Variants in IDH2 observed in about 807,000 individuals in gnomAD.
The protein encoded by IDH2 is isocitrate dehydrogenase (NADP(+)) 2.
Under a neutral mutation model 50.5 loss-of-function variants are expected in IDH2, and 18 were observed. The observed-to-expected ratio is 0.36, with a 90% confidence interval of 0.25 to 0.53. The LOEUF is 0.53. Among genes scored for constraint, IDH2 ranks in the 20% least tolerant of loss-of-function variants. The pLI is 0.92. For synonymous variants in IDH2, 280 were observed against 239.8 expected, an observed-to-expected ratio of 1.17 and a Z score of -1.55; for missense variants, 518 against 610.7, an observed-to-expected ratio of 0.85 and a Z score of 1.60.
At chr15:90,093,598 T>A (rs1032802984) in intron 1 of IDH2, among the ~76,000 whole-genome samples, 1 of 150,220 alleles carries the variant, frequency 6.7e-6, no homozygotes, top group East Asian at 2.0e-4. Context: ...CTCCATTTTA[T>A]TTAATTAATT....
At chr15:90,097,798 A>G (rs1213069044) in intron 1 of IDH2, among the ~76,000 whole-genome samples, 1 of 152,226 alleles carries the variant, frequency 6.6e-6, no homozygotes, top group African/African-American at 2.4e-5. Context: ...ACACTGAACA[A>G]TGACTAAGAT....
At chr15:90,088,131 C>G (rs1056156874) in intron 5 of IDH2, among the ~76,000 whole-genome samples, 3 of 151,846 alleles carry the variant, frequency 2.0e-5, no homozygotes, top group Non-Finnish European at 4.4e-5. Context: ...GAGATGGGGT[C>G]TCACTGTTGC....
intron 2 of IDH2, 63 bp downstream of exon 2, chr15:90,091,489 GT>G: frequency 7.8e-7 from 1 of 1,283,440 alleles, no homozygotes; most frequent in East Asian, 2.3e-5. Context: ...AGAAGACCCT[GT>G]GGGACAGAAC....
At position 90,088,635 on chromosome 15, in the gene IDH2, A is replaced by G. The variant is rs1158046506; in HGVS notation, c.486T>C (p.Pro162=). 1.9e-6 allele frequency: 3 copies of G among 1,614,112 alleles called. No individual in the cohort carries two copies. Among genetic ancestry groups the G allele is most frequent in the Admixed American group, 3.3e-5 (2 of 60,004 alleles). Reference sequence around the variant, plus strand: ...CAATGGTGATGGGCTTGGTCCAGCCAGGGACTAGGCGTGGGATGTTTTTGC... The same window carrying G: ...CAATGGTGATGGGCTTGGTCCAGCCGGGGACTAGGCGTGGGATGTTTTTGC... ...IICKNIPRLV[P]GWTKPITIGR... Residue 162 remains proline (P), a synonymous_variant, in exon 4 of 11, where the codon CCT becomes CCC. Coordinates refer to ENST00000330062, the MANE Select transcript of IDH2 (RefSeq NM_002168.4).
intron 1 of IDH2, among the ~76,000 whole-genome samples, chr15:90,099,121 T>C (rs1901263875): frequency 6.6e-6 from 1 of 152,174 alleles, no homozygotes; most frequent in Admixed American, 6.5e-5. Context: ...GCCAGGTCCC[T>C]GAAGCTAGAA....
rs1293071532 is a variant in IDH2 at position 90,085,686 on chromosome 15, CCA to C, written c.968-301_968-300del. Reference sequence around the variant, plus strand: ...CCTGTGGCCCACAGGGCCCAAGAGGCCACAGAGTCCTGTGGTCCCCCACAGCC... The same window carrying C: ...CCTGTGGCCCACAGGGCCCAAGAGGCCAGAGTCCTGTGGTCCCCCACAGCC... On this transcript the variant is annotated intron_variant, in intron 7 of 10. Coordinates refer to ENST00000330062, the MANE Select transcript of IDH2 (RefSeq NM_002168.4). This position sits in a 1 kb window ranked among gnomAD's most constrained non-coding sequence, Gnocchi z 5.5. 6.6e-6 allele frequency among the ~76,000 whole-genome samples: 1 copy of C among 152,214 alleles called. No homozygotes were observed. Among genetic ancestry groups the C allele is most frequent in the Non-Finnish European group, 1.5e-5 (1 of 68,042 alleles).
At chr15:90,087,783 T>G (rs916075513) in intron 5 of IDH2, among the ~76,000 whole-genome samples, 1 of 151,850 alleles carries the variant, frequency 6.6e-6, no homozygotes, top group East Asian at 1.9e-4. Flanking sequence ...CACCGCCTTT[T>G]TTTTTTTTTT....
At position 90,084,981 on chromosome 15, in the gene IDH2, G is replaced by A. The variant is rs372543878; in HGVS notation, c.1178+20C>T. On this transcript the variant is annotated intron_variant, in intron 9 of 10. Coordinates refer to ENST00000330062, the MANE Select transcript of IDH2 (RefSeq NM_002168.4). The surrounding 1 kb of genome is among the most constrained non-coding windows in gnomAD (Gnocchi z 5.0). ...CCAGAGCCTGTCCTGGGCAGCTCCG[G>A]CCTCTCCCTCCATGCTCACCTGATG... 4.3e-6 allele frequency: 7 copies of A among 1,612,596 alleles called. No homozygotes were observed. Among genetic ancestry groups the A allele is most frequent in the African/African-American group, 1.3e-5 (1 of 74,896 alleles).
chr15:90,085,533 G>A lies in IDH2; in HGVS notation c.968-146C>T, dbSNP rs1900838121. 1.4e-6 allele frequency: 1 copy of A among 712,012 alleles called. No homozygotes were observed. Among genetic ancestry groups the A allele is most frequent in the Non-Finnish European group, 2.5e-6 (1 of 395,906 alleles). The allele number at this position is 712,012 out of a possible 1,614,324, so 44.1% of individuals were successfully genotyped here. A position where few individuals can be genotyped will look rare whatever the true frequency, so the allele number is the denominator to read the frequency against. ...CCCCAGCTGCAACTGGGAGGACAGG[G>A]ACTGTTCCAGGTCTCTTCACCCTCC... On this transcript the variant is annotated intron_variant, in intron 7 of 10. Transcript: ENST00000330062. This position sits in a 1 kb window ranked among gnomAD's most constrained non-coding sequence, Gnocchi z 5.5.
intron 6 of IDH2, 46 bp downstream of exon 6, chr15:90,087,393 G>C: frequency 6.2e-7 from 1 of 1,613,302 alleles, no homozygotes; most frequent in East Asian, 2.2e-5. Context: ...GGAACAGCAT[G>C]GGGGGAAGGG....
rs546392341 is a variant in IDH2, at chr15:90,102,433, C to T, written c.-43G>A. ...ACGAGCAGGGCGGGAGAGGTCCGAG[C>T]GCGCGCCGCTCCTCCCGGCTGCCTG... On this transcript the variant is annotated 5_prime_UTR_variant, in exon 1 of 11. Transcript: ENST00000330062. 618 of 1,114,378 alleles carry T rather than the reference C, an allele frequency of 5.5e-4. 12 individuals are homozygous for T. The South Asian group carries it at 0.019, about 34-fold the overall frequency. 69.0% of individuals were successfully genotyped at this position (1,114,378 alleles called of 1,614,324 possible). A position where few individuals can be genotyped will look rare whatever the true frequency, so the allele number is the denominator to read the frequency against.
chr15:90,090,738 G>A (rs1346822098), intron 2 of IDH2, 94 bp from the exon 3 acceptor site: 1 of 1,337,706 alleles, frequency 7.5e-7, no homozygotes, highest in African/African-American at 1.4e-5. Context: ...CATGGCAGGG[G>A]ACAGTCAGTC....
intron 1 of IDH2, among the ~76,000 whole-genome samples, 178 bp from the exon 2 acceptor site, chr15:90,091,822 C>A (rs1427842202): frequency 1.3e-5 from 2 of 152,224 alleles, no homozygotes; most frequent in Non-Finnish European, 2.9e-5. Context: ...CAGGGGTCCC[C>A]AACTCCCAGG....
At chr15:90,091,444 C>T (rs1287238480) in intron 2 of IDH2, 109 bp downstream of exon 2, 3 of 771,196 alleles carry the variant, frequency 3.9e-6, no homozygotes, top group Admixed American at 3.7e-5. Flanking sequence ...TGCTGCCTAC[C>T]AGGACAACGG....
In IDH2 at chr15:90,085,188, T is replaced by G; in HGVS notation, c.1080+87A>C. On this transcript the variant is annotated intron_variant, in intron 8 of 10. Transcript: ENST00000330062. The surrounding 1 kb of genome is among the most constrained non-coding windows in gnomAD (Gnocchi z 5.5). ...AGCTGCCCGCCCCTGGGCTGGTGGG[T>G]CAGGCTCGTCCTTCCAGCCCTCAGC... The G allele has an allele frequency of 6.5e-7, 1 of 1,532,498 alleles. No individual in the cohort carries two copies. 94.9% of individuals were successfully genotyped at this position (1,532,498 alleles called of 1,614,324 possible). A position where few individuals can be genotyped will look rare whatever the true frequency, so the allele number is the denominator to read the frequency against.
chr15:90,101,902 C>A (rs1410959665), intron 1 of IDH2, among the ~76,000 whole-genome samples: 2 of 151,986 alleles, frequency 1.3e-5, no homozygotes, highest in Non-Finnish European at 2.9e-5. Flanking sequence ...GTGCTCCAGC[C>A]CCCCACGGGT....
intron 3 of IDH2, 93 bp from the exon 4 acceptor site, chr15:90,088,840 C>T (rs1282794151): frequency 1.4e-6 from 2 of 1,391,388 alleles, no homozygotes; most frequent in Non-Finnish European, 1.0e-6. Flanking sequence ...GACGGGGGTC[C>T]TAAAATTCTT....
intron 3 of IDH2, 87 bp from the exon 4 acceptor site, chr15:90,088,834 G>A (rs2151550184): frequency 1.4e-6 from 2 of 1,462,884 alleles, no homozygotes; most frequent in Non-Finnish European, 9.5e-7. Flanking sequence ...CAGCCAGACG[G>A]GGGTCCTAAA....
intron 1 of IDH2, among the ~76,000 whole-genome samples, chr15:90,101,397 G>T (rs185050709): frequency 6.6e-6 from 1 of 152,194 alleles, no homozygotes; most frequent in Non-Finnish European, 1.5e-5. Context: ...GCCAGGGTGA[G>T]GGGGCAGGCC....
Sources: allele counts gnomAD v4.1 joint callset (sites outside exome capture counted in the v4.1 genomes callset), GRCh38; gene constraint gnomAD v4.1.1; non-coding constraint Gnocchi (gnomAD v3.1); transcripts MANE v1.5; gene names NCBI Gene and HGNC (gene_info 2026-07-23, HGNC 2026-07-21).